The following GALNT10 variants were observed in gnomAD, a reference collection of about 807,000 sequenced individuals.
GALNT10 encodes polypeptide N-acetylgalactosaminyltransferase 10.
GALNT10 carries 41 observed loss-of-function variants against 75.0 expected under a neutral mutation model. The observed-to-expected ratio is 0.55, with a 90% CI of 0.43 to 0.71. The LOEUF is 0.71. Among genes scored for constraint, GALNT10 ranks in the 30% least tolerant of loss-of-function variants. GALNT10 has a pLI of 0.00. For missense variants in GALNT10, 727 were observed against 818.5 expected (o/e 0.89, Z 1.36); for synonymous variants, 302 against 313.0 (o/e 0.96, Z 0.37).
chr5:154,329,144 G>T (rs561602400), intron 3 of GALNT10, among the ~76,000 whole-genome samples: 3 of 152,092 alleles, frequency 2.0e-5, no homozygotes, highest in African/African-American at 4.8e-5. Context: ...GGTCAAAGAC[G>T]AAATATTAGA....
chr5:154,390,280 G>A (rs553296229), intron 7 of GALNT10, among the ~76,000 whole-genome samples: 6 of 106,204 alleles, frequency 5.6e-5, no homozygotes, highest in South Asian at 3.0e-4. Flanking sequence ...CATGTCTCTC[G>A]CCTGAGTCAC....
chr5:154,331,917 C>T (rs1447081034), intron 4 of GALNT10, among the ~76,000 whole-genome samples: 1 of 152,174 alleles, frequency 6.6e-6, no homozygotes, highest in African/African-American at 2.4e-5. Flanking sequence ...TTGACAGCAG[C>T]CTCTGAGGGA....
At chr5:154,220,398 A>G (rs1358649609) in intron 1 of GALNT10, 1 of 152,218 alleles carries the variant, frequency 6.6e-6, no homozygotes, top group Non-Finnish European at 1.5e-5. Flanking sequence ...CACATTTGAC[A>G]CAGATAAAGT....
chr5:154,242,683 C>G (rs912402902), intron 1 of GALNT10, among the ~76,000 whole-genome samples: 1 of 152,192 alleles, frequency 6.6e-6, no homozygotes, highest in Non-Finnish European at 1.5e-5. Context: ...CAGAGCCCTC[C>G]TCTGTGTGAC....
At chr5:154,295,593 C>G (rs933764960) in intron 2 of GALNT10, among the ~76,000 whole-genome samples, 4 of 152,140 alleles carry the variant, frequency 2.6e-5, no homozygotes, top group African/African-American at 9.7e-5. Flanking sequence ...TCCGTTTACA[C>G]TGGTGAGTTG....
intron 1 of GALNT10, among the ~76,000 whole-genome samples, chr5:154,245,444 C>G (rs1225588400): frequency 6.6e-6 from 1 of 151,296 alleles, no homozygotes; most frequent in Non-Finnish European, 1.5e-5. Flanking sequence ...CTTGCTCTAC[C>G]CATGTCACAG....
chr5:154,262,642 AG>A (rs1753716120), intron 1 of GALNT10, among the ~76,000 whole-genome samples: 1 of 152,094 alleles, frequency 6.6e-6, no homozygotes. Context: ...AAGCTTTAAG[AG>A]GTTGAGAAGC....
chr5:154,364,031 C>A (rs973872437), intron 4 of GALNT10, among the ~76,000 whole-genome samples: 1 of 152,152 alleles, frequency 6.6e-6, no homozygotes, highest in African/African-American at 2.4e-5. Context: ...TTGTGCCAAG[C>A]AGATCGACAC....
At chr5:154,303,393 T>A (rs1754387553) in intron 3 of GALNT10, among the ~76,000 whole-genome samples, 1 of 151,790 alleles carries the variant, frequency 6.6e-6, no homozygotes, top group Non-Finnish European at 1.5e-5. Context: ...AGGAGAGCTG[T>A]GCAAAGAGAG....
chr5:154,257,873 GT>G (rs1174748107), intron 1 of GALNT10, among the ~76,000 whole-genome samples: 2 of 152,078 alleles, frequency 1.3e-5, no homozygotes, highest in Non-Finnish European at 2.9e-5. Flanking sequence ...ATTTAAATCT[GT>G]TTTTAAAAAT....
At chr5:154,196,649 C>T (rs962302444) in intron 1 of GALNT10, among the ~76,000 whole-genome samples, 6 of 152,198 alleles carry the variant, frequency 3.9e-5, no homozygotes, top group African/African-American at 1.4e-4. Context: ...AGGAGAGGGT[C>T]TGTCTCCTCT....
chr5:154,202,084 A>C (rs978218417), intron 1 of GALNT10, among the ~76,000 whole-genome samples: 1 of 152,224 alleles, frequency 6.6e-6, no homozygotes, highest in Admixed American at 6.5e-5. Context: ...CAGGTTTCCC[A>C]GCAGAAATGG....
chr5:154,191,580 C>G (rs2113635996), intron 1 of GALNT10, among the ~76,000 whole-genome samples: 1 of 152,158 alleles, frequency 6.6e-6, no homozygotes, highest in East Asian at 1.9e-4. Context: ...CAACTCTAGC[C>G]TTTTCCTTTC....
chr5:154,279,305 T>G (rs1343879977), intron 1 of GALNT10, among the ~76,000 whole-genome samples: 1 of 133,888 alleles, frequency 7.5e-6, no homozygotes, highest in African/African-American at 3.4e-5. Flanking sequence ...TGTTGTTTTG[T>G]TTTTTTTTTT....
intron 7 of GALNT10, among the ~76,000 whole-genome samples, chr5:154,395,068 C>T (rs1285913149): frequency 1.3e-5 from 2 of 152,366 alleles, no homozygotes; most frequent in East Asian, 1.9e-4. Flanking sequence ...GCCCGAGGGT[C>T]GCCTGTGTGT....
At chr5:154,288,443 T>TGTGTGTG (rs1754145780) in intron 1 of GALNT10, among the ~76,000 whole-genome samples, 5 of 148,762 alleles carry the variant, frequency 3.4e-5, no homozygotes, top group South Asian at 2.1e-4. Context: ...TGTGTGTGTG[T>TGTGTGTG]TTGAACACTA....
chr5:154,363,797 T>G (rs1284071320), intron 4 of GALNT10, among the ~76,000 whole-genome samples: 4 of 152,194 alleles, frequency 2.6e-5, no homozygotes, highest in African/African-American at 9.7e-5. Flanking sequence ...GTTTGGAGAC[T>G]CACAAGTGTA....
At chr5:154,293,611 A>ATTTTTTTTTTTTTTTTTTT (rs912343114) in intron 1 of GALNT10, among the ~76,000 whole-genome samples, 1,088 of 96,178 alleles carry the variant, frequency 0.011, 11 homozygotes, top group Non-Finnish European at 0.019. Context: ...ATATATATAT[A>ATTTTTTTTTTTTTTTTTTT]TATTTTTTTT....
intron 4 of GALNT10, among the ~76,000 whole-genome samples, chr5:154,348,119 A>T (rs909662049): frequency 6.6e-6 from 1 of 152,240 alleles, no homozygotes; most frequent in African/African-American, 2.4e-5. Flanking sequence ...GCTGCCTTAG[A>T]TCAATCGTAT....
Sources: allele counts gnomAD v4.1 joint callset (sites outside exome capture counted in the v4.1 genomes callset), GRCh38; gene constraint gnomAD v4.1.1; transcripts MANE v1.5; gene names NCBI Gene and HGNC (gene_info 2026-07-23, HGNC 2026-07-21).